CCZ1B: variants seen among roughly 807,000 people sequenced by gnomAD.
CCZ1B encodes the protein vacuolar fusion protein CCZ1 homolog B.
Under a neutral mutation model 58.8 loss-of-function variants are expected in CCZ1B, and 25 were observed. The ratio of observed to expected loss-of-function variants is 0.43; its 90% confidence interval spans 0.31 to 0.59. The LOEUF (loss-of-function observed/expected upper bound fraction) is 0.59. Among genes scored for constraint, CCZ1B ranks in the 20% least tolerant of loss-of-function variants. CCZ1B has a pLI of 0.12. For synonymous variants in CCZ1B, 66 were observed against 173.2 expected, an observed-to-expected ratio of 0.38 and a Z score of 4.86; for missense variants, 180 against 501.5, an observed-to-expected ratio of 0.36 and a Z score of 6.12.
At chr7:6,818,715 G>GAAAGAAAC (rs1394699509) in intron 7 of CCZ1B, among the ~76,000 whole-genome samples, 2 of 131,754 alleles carry the variant, frequency 1.5e-5, no homozygotes, top group Non-Finnish European at 1.6e-5. Context: ...AGAAAGACAA[G>GAAAGAAAC]AAAGAAAGAA....
intron 7 of CCZ1B, among the ~76,000 whole-genome samples, chr7:6,817,000 G>A (rs1252339710): frequency 1.3e-5 from 2 of 152,288 alleles, no homozygotes; most frequent in African/African-American, 2.4e-5. Context: ...CTGGTCTCAA[G>A]TGATCCTCCT....
intron 6 of CCZ1B, among the ~76,000 whole-genome samples, chr7:6,820,915 CAAA>C (rs377633614): frequency 3.0e-5 from 3 of 100,238 alleles, no homozygotes. Context: ...GACTCTGTCT[CAAA>C]AAAAAAAAAA....
At chr7:6,821,815 T>C (rs1445012757) in intron 6 of CCZ1B, among the ~76,000 whole-genome samples, 1 of 150,340 alleles carries the variant, frequency 6.7e-6, no homozygotes. Context: ...GGAACAAATC[T>C]CCCCAATCGC....
At chr7:6,810,447 C>G (rs1336678345) in intron 10 of CCZ1B, among the ~76,000 whole-genome samples, 1 of 148,868 alleles carries the variant, frequency 6.7e-6, no homozygotes, top group Non-Finnish European at 1.5e-5. Flanking sequence ...GGATATGAAA[C>G]TGTTGATACC....
intron 7 of CCZ1B, among the ~76,000 whole-genome samples, chr7:6,817,947 C>G (rs1462605851): frequency 6.8e-6 from 1 of 146,710 alleles, no homozygotes; most frequent in Admixed American, 6.8e-5. Context: ...GGGGTTGCAG[C>G]AAGCCAAGAT....
rs1388150435 is a variant in CCZ1B at position 6,814,514 on chromosome 7, A to C, written c.780+250T>G. On this transcript the variant is annotated intron_variant, in intron 8 of 14. Transcript: ENST00000316731. ...CCGTCTCAAAAACCAAACAAACAAA[A>C]ACACACACAAAAAAACCAACACACA... The C allele has an allele frequency of 2.4e-5, 9 of 369,652 alleles. 1 individual carries two copies. The highest frequency in any genetic ancestry group is 4.4e-5 in the African/African-American group (2 of 45,266). 22.9% of individuals were successfully genotyped at this position (369,652 alleles called of 1,614,324 possible). A position where few individuals can be genotyped will look rare whatever the true frequency, so the allele number is the denominator to read the frequency against.
chr7:6,821,540 A>G (rs534714236), intron 6 of CCZ1B, among the ~76,000 whole-genome samples: 3 of 152,412 alleles, frequency 2.0e-5, no homozygotes, highest in East Asian at 1.9e-4. Context: ...AGTCGAATTC[A>G]AAAATAGATA....
rs116223942 is a variant in CCZ1B at position 6,810,946 on chromosome 7, G to A, written c.954+1006C>T. Among the ~76,000 whole-genome samples, 102 of 150,532 alleles carry A rather than the reference G, an allele frequency of 6.8e-4. 13 individuals carry two copies. Among genetic ancestry groups the A allele is most frequent in the African/African-American group, 2.4e-3 (98 of 40,132 alleles). ...ATGAAGGTCTCAGTTCTGTCTGGAAGAAAGAAATGCCAGAATGAGCAGGGC... is the reference window on the plus strand; with the variant it reads ...ATGAAGGTCTCAGTTCTGTCTGGAAAAAAGAAATGCCAGAATGAGCAGGGC... On this transcript the variant is annotated intron_variant, in intron 10 of 14. Transcript: ENST00000316731.
At chr7:6,819,123 G>GCAAAA (rs1554259335) in intron 7 of CCZ1B, among the ~76,000 whole-genome samples, 1 of 65,656 alleles carries the variant, frequency 1.5e-5, no homozygotes, top group African/African-American at 6.7e-5. Flanking sequence ...ATCTCTATAA[G>GCAAAA]AAAAAAAAAA....
In CCZ1B at chr7:6,811,885, C is replaced by T. The variant is rs959626720; in HGVS notation, c.954+67G>A. 8.0e-5 allele frequency: 125 copies of T among 1,562,540 alleles called. 12 individuals carry two copies. The African/African-American group carries it at 1.5e-3, about 19-fold the overall frequency. On this transcript the variant is annotated intron_variant, in intron 10 of 14. Transcript: ENST00000316731. ...CATTTAAGAGGTTTGCACATGCACT[C>T]GTGTACACATGCAAGAAAGATCCAT...
intron 12 of CCZ1B, among the ~76,000 whole-genome samples, chr7:6,803,968 A>T (rs1782798515): frequency 2.0e-5 from 3 of 146,396 alleles, no homozygotes; most frequent in African/African-American, 7.5e-5. Flanking sequence ...AAAAACCCAA[A>T]AAACAACGTA....
chr7:6,821,135 A>G (rs1783103731), intron 6 of CCZ1B, among the ~76,000 whole-genome samples: 1 of 149,234 alleles, frequency 6.7e-6, no homozygotes, highest in South Asian at 2.1e-4. Context: ...CAGCCTCCAG[A>G]ATAGCTGGGA....
At chr7:6,818,029 T>G (rs1239042600) in intron 7 of CCZ1B, among the ~76,000 whole-genome samples, 1 of 148,464 alleles carries the variant, frequency 6.7e-6, no homozygotes, top group Admixed American at 6.7e-5. Context: ...AGTAGATGGG[T>G]TTCACCTGAA....
chr7:6,809,664 G>T (rs2711215), intron 10 of CCZ1B, among the ~76,000 whole-genome samples: 19,234 of 79,076 alleles, frequency 0.24, 2,427 homozygotes, highest in South Asian at 0.49. Context: ...TGTATGCTCT[G>T]CCTGCAATCT....
intron 10 of CCZ1B, among the ~76,000 whole-genome samples, chr7:6,810,611 C>T (rs1167231210): frequency 6.7e-6 from 1 of 148,180 alleles, no homozygotes; most frequent in African/African-American, 2.6e-5. Flanking sequence ...CACTGCCATG[C>T]CTGGCTAATT....
chr7:6,803,689 C>T (rs531454393), intron 12 of CCZ1B, among the ~76,000 whole-genome samples: 454 of 146,602 alleles, frequency 3.1e-3, no homozygotes, highest in African/African-American at 0.011. Context: ...ATGGGCCGGG[C>T]GCGGTGGCTC....
intron 12 of CCZ1B, among the ~76,000 whole-genome samples, chr7:6,801,917 T>C (rs1248159475): frequency 1.4e-4 from 17 of 120,370 alleles, no homozygotes; most frequent in African/African-American, 5.0e-4. Context: ...AACCTCGCCA[T>C]TGCCACATGT....
rs534875278 is a variant in CCZ1B at position 6,810,781 on chromosome 7, T to C, written c.954+1171A>G. Among the ~76,000 whole-genome samples, 102 of 149,460 alleles carry C rather than the reference T, an allele frequency of 6.8e-4. 1 individual carries two copies. Among genetic ancestry groups the C allele is most frequent in the African/African-American group, 2.3e-3 (92 of 39,612 alleles). On this transcript the variant is annotated intron_variant, in intron 10 of 14. Transcript: ENST00000316731. ...TAATAGATACAACTCTTCTAATTAG[T>C]GGATACTAATTTTTAAAGTTCTCGT... is the stretch of plus-strand genomic sequence containing the variant.
chr7:6,818,019 AG>A (rs1490090998), intron 7 of CCZ1B, among the ~76,000 whole-genome samples: 1 of 149,076 alleles, frequency 6.7e-6, no homozygotes, highest in Non-Finnish European at 1.5e-5. Context: ...CAAAAAAAAA[AG>A]TAGATGGGTT....
Sources: allele counts gnomAD v4.1 joint callset (sites outside exome capture counted in the v4.1 genomes callset), GRCh38; gene constraint gnomAD v4.1.1; transcripts MANE v1.5; gene names NCBI Gene and HGNC (gene_info 2026-07-23, HGNC 2026-07-21).